The following FMNL2 variants were observed in gnomAD, a reference collection of about 807,000 sequenced individuals.
FMNL2 encodes the protein formin-like protein 2.
A neutral mutation model predicts 130.2 loss-of-function variants in FMNL2; 51 were observed. The ratio of observed to expected loss-of-function variants is 0.39; its 90% CI spans 0.31 to 0.49. FMNL2 has a LOEUF of 0.49. Among genes scored for constraint, FMNL2 ranks in the 20% least tolerant of loss-of-function variants. The probability of loss-of-function intolerance (pLI) is 0.85; values close to 1 mark genes in which losing one functional copy is unlikely to be tolerated. For missense variants in FMNL2, 977 were observed against 1,316.2 expected, an observed-to-expected ratio of 0.74 and a Z score of 3.99; for synonymous variants, 465 against 467.1, an observed-to-expected ratio of 1.00 and a Z score of 0.06.
intron 1 of FMNL2, among the ~76,000 whole-genome samples, chr2:152,501,196 A>G (rs1343374045): frequency 6.6e-6 from 1 of 152,220 alleles, no homozygotes; most frequent in Non-Finnish European, 1.5e-5. Flanking sequence ...TCCTCAACCT[A>G]ATATGCTTTC....
chr2:152,591,536 C>T lies in FMNL2; in HGVS notation c.876+10487C>T, dbSNP rs372210491. 1.1e-4 allele frequency among the ~76,000 whole-genome samples: 17 copies of T among 152,346 alleles called. No homozygotes were observed. The East Asian group carries it at 2.5e-3, about 22-fold the overall frequency. ...ATAAAAGGTTTCAGGCCAGGCGCAA[C>T]GGCTCATGCCGGTAATCCCAGCGCC... is the stretch of plus-strand genomic sequence containing the variant. On this transcript the variant is annotated intron_variant, in intron 9 of 25. Coordinates refer to ENST00000288670, the MANE Select transcript of FMNL2 (RefSeq NM_052905.4).
intron 1 of FMNL2, among the ~76,000 whole-genome samples, chr2:152,508,496 C>T (rs1483821500): frequency 6.6e-5 from 10 of 152,150 alleles, no homozygotes; most frequent in Admixed American, 6.5e-4. Context: ...TGCATTAGCC[C>T]TGGGCTCCTT....
In FMNL2 at chr2:152,636,488, G is replaced by C. The variant is rs1014300294; in HGVS notation, c.2742G>C (p.Lys914Asn). ...KELQRGMDLT[K>N]REYTMHDHNT... is the part of the protein sequence containing the mutation. ...TCCAGAGGGGAATGGACTTGACCAA[G>C]AGAGAGTACACCATGCATGACCATA... The change falls in exon 22 of 26, where the codon AAG (lysine) becomes AAC (asparagine). Residue 914 changes from lysine to asparagine, a missense_variant. Physicochemically the swap from Lys to Asn is moderately conservative, Grantham distance 94. Coordinates refer to ENST00000288670, the MANE Select transcript of FMNL2 (RefSeq NM_052905.4). 1 of 1,611,330 alleles carries C rather than the reference G, an allele frequency of 6.2e-7. No homozygotes were observed. The highest frequency in any genetic ancestry group is 1.7e-5 in the Admixed American group (1 of 59,646).
Position 152,614,822 on chromosome 2 carries a change from A to G in FMNL2, c.1063-29A>G, listed in dbSNP as rs761817162. On this transcript the variant is annotated intron_variant, in intron 11 of 25. Transcript: ENST00000288670. ...GTTCTATTTCCATAGATGAGCTAACACCACGTTCTCTCCTATTCTGGTTTT... is the reference window on the plus strand; with the variant it reads ...GTTCTATTTCCATAGATGAGCTAACGCCACGTTCTCTCCTATTCTGGTTTT... The G allele has an allele frequency of 9.5e-6, 15 of 1,577,762 alleles. No individual in the cohort carries two copies. The East Asian group carries it at 2.7e-4, about 28-fold the overall frequency.
At chr2:152,467,681 T>G (rs1457358052) in intron 1 of FMNL2, among the ~76,000 whole-genome samples, 1 of 152,234 alleles carries the variant, frequency 6.6e-6, no homozygotes, top group Non-Finnish European at 1.5e-5. Flanking sequence ...ATTGCCATCT[T>G]CATAGTGAGC....
chr2:152,426,082 G>A (rs1411698632), intron 1 of FMNL2, among the ~76,000 whole-genome samples: 1 of 152,188 alleles, frequency 6.6e-6, no homozygotes, highest in Non-Finnish European at 1.5e-5. Context: ...ACCTCATTGT[G>A]TTATATAAAA....
At chr2:152,522,689 C>T (rs767923196) in intron 2 of FMNL2, among the ~76,000 whole-genome samples, 4 of 152,208 alleles carry the variant, frequency 2.6e-5, no homozygotes, top group Non-Finnish European at 1.5e-5. Flanking sequence ...ACATGCCTTT[C>T]ACCTTCCGCC....
At position 152,499,593 on chromosome 2, in the gene FMNL2, A is replaced by T. The variant is rs140010145; in HGVS notation, c.118-22350A>T. Among the ~76,000 whole-genome samples the T allele has an allele frequency of 2.6e-4, 40 of 152,354 alleles. No homozygotes were observed. In the East Asian group the frequency reaches 6.0e-3, roughly 23 times the overall value. ...CGATTTCCCAACTTTGTGATAGGTC[A>T]CTCAAGGCTTAGTGTAGGCTTTTTT... On this transcript the variant is annotated intron_variant, in intron 1 of 25. Coordinates refer to ENST00000288670, the MANE Select transcript of FMNL2 (RefSeq NM_052905.4).
chr2:152,352,059 C>G (rs1682520418), intron 1 of FMNL2, among the ~76,000 whole-genome samples: 1 of 152,178 alleles, frequency 6.6e-6, no homozygotes, highest in Non-Finnish European at 1.5e-5. Flanking sequence ...TGACTTAGAA[C>G]TCTCAGACCT....
chr2:152,617,291 C>A, intron 13 of FMNL2, 99 bp downstream of exon 13: 2 of 1,018,592 alleles, frequency 2.0e-6, no homozygotes, highest in Non-Finnish European at 3.0e-6. Flanking sequence ...CAGAGGAATG[C>A]ATTGATGCAG....
At chr2:152,578,803 G>A in intron 7 of FMNL2, 85 bp from the exon 8 acceptor site, 2 of 1,120,452 alleles carry the variant, frequency 1.8e-6, no homozygotes, top group Non-Finnish European at 2.6e-6. Flanking sequence ...GATACTTCGG[G>A]TTTTTGGTTT....
intron 1 of FMNL2, among the ~76,000 whole-genome samples, chr2:152,421,411 G>A (rs984601377): frequency 1.3e-5 from 2 of 152,168 alleles, no homozygotes; most frequent in Admixed American, 6.5e-5. Flanking sequence ...ACATGCAACC[G>A]TGTTGGGACA....
intron 1 of FMNL2, among the ~76,000 whole-genome samples, chr2:152,451,289 C>T (rs1248669475): frequency 1.3e-5 from 2 of 152,106 alleles, no homozygotes; most frequent in African/African-American, 4.8e-5. Context: ...GCTGGGACTA[C>T]AGGTGTGTGC....
intron 6 of FMNL2, among the ~76,000 whole-genome samples, chr2:152,566,744 A>G (rs916250597): frequency 2.6e-5 from 4 of 152,206 alleles, no homozygotes; most frequent in African/African-American, 7.2e-5. Flanking sequence ...ACATGAGCAC[A>G]TATATGAAAT....
At chr2:152,397,483 T>A (rs1685461325) in intron 1 of FMNL2, among the ~76,000 whole-genome samples, 3 of 152,168 alleles carry the variant, frequency 2.0e-5, no homozygotes, top group African/African-American at 7.2e-5. Context: ...AGAAGTTAAA[T>A]TTTCCAGTAT....
intron 1 of FMNL2, among the ~76,000 whole-genome samples, chr2:152,487,944 C>T (rs926388162): frequency 6.6e-6 from 1 of 152,050 alleles, no homozygotes; most frequent in African/African-American, 2.4e-5. Flanking sequence ...CACACCACCA[C>T]ACCAGCTAAT....
chr2:152,603,426 G>A (rs1299954549), intron 9 of FMNL2, among the ~76,000 whole-genome samples: 3 of 136,264 alleles, frequency 2.2e-5, no homozygotes, highest in African/African-American at 5.1e-5. Context: ...TAAGATTAGA[G>A]GTATTTCTCT....
intron 1 of FMNL2, among the ~76,000 whole-genome samples, chr2:152,348,432 A>C (rs1682255177): frequency 6.6e-6 from 1 of 152,188 alleles, no homozygotes; most frequent in African/African-American, 2.4e-5. Context: ...CTGACTTGAT[A>C]AGGGAACGGT....
At chr2:152,386,573 TA>T (rs1684794557) in intron 1 of FMNL2, among the ~76,000 whole-genome samples, 2 of 152,246 alleles carry the variant, frequency 1.3e-5, no homozygotes, top group Admixed American at 6.5e-5. Flanking sequence ...CTTTGCTTGT[TA>T]TTTTACTTTG....
Sources: allele counts gnomAD v4.1 joint callset (sites outside exome capture counted in the v4.1 genomes callset), GRCh38; gene constraint gnomAD v4.1.1; transcripts MANE v1.5; gene names NCBI Gene and HGNC (gene_info 2026-07-23, HGNC 2026-07-21).